Variants in LRRC3B observed in about 807,000 individuals in gnomAD.
The protein encoded by LRRC3B is leucine rich repeat containing 3B.
Under a neutral mutation model 12.8 loss-of-function variants are expected in LRRC3B, and 2 were observed. The ratio of observed to expected loss-of-function variants is 0.16; its 90% confidence interval spans 0.06 to 0.49. The LOEUF (loss-of-function observed/expected upper bound fraction) is 0.49, where lower values mean the gene tolerates loss of function less well. Ranked by LOEUF, LRRC3B falls within the 20% of genes least tolerant of loss-of-function variation. The pLI, the probability that LRRC3B is intolerant of heterozygous loss-of-function variation, is 0.96. For missense variants in LRRC3B, 189 were observed against 319.4 expected, an observed-to-expected ratio of 0.59 and a Z score of 3.11; for synonymous variants, 132 against 122.0, an observed-to-expected ratio of 1.08 and a Z score of -0.54.
chr3:26,700,550 A>T (rs775378232), intron 1 of LRRC3B, among the ~76,000 whole-genome samples: 1 of 152,184 alleles, frequency 6.6e-6, no homozygotes, highest in Non-Finnish European at 1.5e-5. Context: ...AGAGATAATC[A>T]AATGAAAGCA....
intron 1 of LRRC3B, among the ~76,000 whole-genome samples, chr3:26,638,501 TA>T (rs1430440405): frequency 1.3e-5 from 2 of 152,196 alleles, no homozygotes; most frequent in African/African-American, 4.8e-5. Context: ...CCTCAAGTTA[TA>T]AACTTCTGTC....
At chr3:26,701,481 G>T (rs1700452880) in intron 1 of LRRC3B, among the ~76,000 whole-genome samples, 1 of 152,090 alleles carries the variant, frequency 6.6e-6, no homozygotes, top group Non-Finnish European at 1.5e-5. Flanking sequence ...TGTGTTGCTG[G>T]AGTCCCTCTG....
chr3:26,690,413 T>C (rs1700166516), intron 1 of LRRC3B, among the ~76,000 whole-genome samples: 1 of 152,188 alleles, frequency 6.6e-6, no homozygotes, highest in African/African-American at 2.4e-5. Flanking sequence ...GGTTGGAGAA[T>C]GCCAATCTGG....
chr3:26,640,463 AAACAAATG>A (rs1699006762), intron 1 of LRRC3B, among the ~76,000 whole-genome samples: 2 of 150,552 alleles, frequency 1.3e-5, no homozygotes, highest in African/African-American at 4.9e-5. Flanking sequence ...AAAAACAAAC[AAACAAATG>A]AAAACGCTGC....
intron 1 of LRRC3B, among the ~76,000 whole-genome samples, chr3:26,681,129 C>G (rs1249532155): frequency 6.6e-6 from 1 of 152,106 alleles, no homozygotes; most frequent in African/African-American, 2.4e-5. Flanking sequence ...TATATAGTTT[C>G]TGTTCTTATT....
At chr3:26,649,797 C>T (rs1260603970) in intron 1 of LRRC3B, among the ~76,000 whole-genome samples, 7 of 152,158 alleles carry the variant, frequency 4.6e-5, no homozygotes, top group South Asian at 2.1e-4. Context: ...CCTATGGGCC[C>T]GTTCTTCTCC....
At chr3:26,677,930 G>A (rs535197242) in intron 1 of LRRC3B, among the ~76,000 whole-genome samples, 2 of 152,140 alleles carry the variant, frequency 1.3e-5, no homozygotes, top group Admixed American at 6.5e-5. Context: ...TTCCCGAGTA[G>A]CTGGGACTAC....
chr3:26,692,472 A>AAGTT (rs1700211637), intron 1 of LRRC3B, among the ~76,000 whole-genome samples: 1 of 152,194 alleles, frequency 6.6e-6, no homozygotes, highest in Non-Finnish European at 1.5e-5. Flanking sequence ...AGCTGCTTGA[A>AAGTT]AGTTACCATA....
chr3:26,671,350 G>GTATATATATATATA (rs1161960755), intron 1 of LRRC3B, among the ~76,000 whole-genome samples: 34 of 56,732 alleles, frequency 6.0e-4, no homozygotes, highest in African/African-American at 2.5e-3. Flanking sequence ...ATATATGTGT[G>GTATATATATATATA]TATATATATA....
intron 1 of LRRC3B, among the ~76,000 whole-genome samples, chr3:26,681,122 A>G (rs1699962472): frequency 6.6e-6 from 1 of 152,184 alleles, no homozygotes; most frequent in Admixed American, 6.5e-5. Context: ...GAAATAATAT[A>G]TAGTTTCTGT....
intron 1 of LRRC3B, among the ~76,000 whole-genome samples, chr3:26,689,715 G>C (rs1700152347): frequency 6.6e-6 from 1 of 152,150 alleles, no homozygotes; most frequent in African/African-American, 2.4e-5. Flanking sequence ...TTAGGTTCTT[G>C]AGAGGCTCCC....
At chr3:26,671,373 T>TATATAGAGAGAGAGAGAGAGAGAGAG (rs1261897533) in intron 1 of LRRC3B, among the ~76,000 whole-genome samples, 11 of 28,252 alleles carry the variant, frequency 3.9e-4, no homozygotes, top group Admixed American at 6.9e-4. Context: ...TATATATATA[T>TATATAGAGAGAGAGAGAGAGAGAGAG]AGAGAGAGAG....
At chr3:26,681,066 A>G (rs952211364) in intron 1 of LRRC3B, among the ~76,000 whole-genome samples, 3 of 152,190 alleles carry the variant, frequency 2.0e-5, no homozygotes, top group African/African-American at 7.2e-5. Flanking sequence ...TAGGCTTTTT[A>G]AAAAAGTAGA....
At chr3:26,708,594 T>C (rs1386925433) in intron 1 of LRRC3B, among the ~76,000 whole-genome samples, 2 of 152,154 alleles carry the variant, frequency 1.3e-5, no homozygotes, top group African/African-American at 4.8e-5. Context: ...TATTAAAGGG[T>C]AATTTTGAGA....
chr3:26,637,833 C>T (rs1045987274), intron 1 of LRRC3B, among the ~76,000 whole-genome samples: 2 of 152,176 alleles, frequency 1.3e-5, no homozygotes, highest in African/African-American at 4.8e-5. Flanking sequence ...AATATCATCA[C>T]CCAATGTGTC....
chr3:26,627,729 G>A (rs563712555), intron 1 of LRRC3B, among the ~76,000 whole-genome samples: 12 of 152,202 alleles, frequency 7.9e-5, no homozygotes, highest in African/African-American at 2.9e-4. Flanking sequence ...TTCATTTTCC[G>A]GAGAATTCAT....
At chr3:26,626,282 G>T (rs1255848998) in intron 1 of LRRC3B, among the ~76,000 whole-genome samples, 1 of 152,188 alleles carries the variant, frequency 6.6e-6, no homozygotes, top group Non-Finnish European at 1.5e-5. Flanking sequence ...TTTTTAAATA[G>T]GAAGGTAAAT....
intron 1 of LRRC3B, among the ~76,000 whole-genome samples, chr3:26,690,600 AAC>A (rs1700170021): frequency 6.6e-6 from 1 of 152,164 alleles, no homozygotes; most frequent in African/African-American, 2.4e-5. Flanking sequence ...AACTCAGAGC[AAC>A]ATTATTCTCT....
rs115086437 is a variant in LRRC3B, at chr3:26,663,734, T to C, written c.-161+40497T>C. ...GTTATGACTAAGTTAATTGTATCAC[T>C]CAAGCCAGAAATCTGGATTTGTCCT... On this transcript the variant is annotated intron_variant, in intron 1 of 1. Coordinates refer to ENST00000396641, the Ensembl canonical transcript of LRRC3B. Among the ~76,000 whole-genome samples the C allele has an allele frequency of 2.0e-5, 3 of 152,146 alleles. No homozygotes were observed. In the South Asian group the frequency reaches 6.2e-4, roughly 32 times the overall value.
Sources: gnomAD v4.1 joint callset for allele counts (sites outside exome capture counted in the v4.1 genomes callset) on GRCh38, gnomAD v4.1.1 for gene constraint, MANE v1.5 for transcripts, NCBI Gene and HGNC (gene_info 2026-07-23, HGNC 2026-07-21) for gene names.